MTCL2: variants seen among roughly 807,000 people sequenced by gnomAD.
The protein encoded by MTCL2 is microtubule cross-linking factor 2.
At chr20:36,794,759 T>C in the MTCL2 span, 1 of 878,736 alleles carries the variant, frequency 1.1e-6, no homozygotes, top group Non-Finnish European at 1.7e-6. This position sits in a 1 kb window ranked among gnomAD's most constrained non-coding sequence, Gnocchi z 5.4. Context: ...CCACATTCTG[T>C]CTGCATTTTC....
chr20:36,812,943 G>A, the MTCL2 span: 1 of 1,436,852 alleles, frequency 7.0e-7, no homozygotes, highest in East Asian at 2.5e-5. Context: ...CGCTCCCTAA[G>A]AGGCTTGAAC....
At chr20:36,793,135 T>A in the MTCL2 span, 2 of 1,285,536 alleles carry the variant, frequency 1.6e-6, no homozygotes, top group Admixed American at 2.8e-5. This position sits in a 1 kb window ranked among gnomAD's most constrained non-coding sequence, Gnocchi z 6.8. Flanking sequence ...GAACTCCTGA[T>A]CTCAGGCGAT....
chr20:36,857,392 T>G, the MTCL2 span, among the ~76,000 whole-genome samples: 1 of 152,154 alleles, frequency 6.6e-6, no homozygotes, highest in Non-Finnish European at 1.5e-5. Context: ...TGCACTTCTC[T>G]GAGTGAGTAT....
At chr20:36,861,645 T>G in the MTCL2 span, among the ~76,000 whole-genome samples, 1 of 152,202 alleles carries the variant, frequency 6.6e-6, no homozygotes, top group East Asian at 1.9e-4. Flanking sequence ...CATCATCCAC[T>G]GACAAGAGTC....
chr20:36,856,839 C>CGT, the MTCL2 span, among the ~76,000 whole-genome samples: 1,196 of 150,526 alleles, frequency 7.9e-3, 17 homozygotes, highest in African/African-American at 0.021. Context: ...AATGTCACAG[C>CGT]GTGTGTGTGT....
the MTCL2 span, chr20:36,783,873 A>C: frequency 1.0e-6 from 1 of 985,436 alleles, no homozygotes; most frequent in South Asian, 4.7e-5. Context: ...ACCGAACCAA[A>C]CCAATATTTA....
chr20:36,857,672 C>G, the MTCL2 span, among the ~76,000 whole-genome samples: 4 of 152,246 alleles, frequency 2.6e-5, no homozygotes, highest in South Asian at 6.2e-4. Flanking sequence ...GACTAGAGTC[C>G]TCCCCCTGTA....
chr20:36,798,852 A>G, the MTCL2 span, among the ~76,000 whole-genome samples: 2 of 152,186 alleles, frequency 1.3e-5, no homozygotes, highest in Admixed American at 6.5e-5. Flanking sequence ...GTTTGCATTG[A>G]AAGTCCCATG....
chr20:36,829,155 G>C, the MTCL2 span: 1 of 1,607,772 alleles, frequency 6.2e-7, no homozygotes, highest in Non-Finnish European at 8.5e-7. Context: ...AGCCGCGCCC[G>C]TTTCTTCTCC....
chr20:36,853,697 G>A, the MTCL2 span, among the ~76,000 whole-genome samples: 4 of 132,634 alleles, frequency 3.0e-5, no homozygotes, highest in Admixed American at 2.4e-4. Flanking sequence ...GCTCTATCAG[G>A]GAGGGGTGTG....
chr20:36,844,400 A>ATAATAATAAT, the MTCL2 span, among the ~76,000 whole-genome samples: 6 of 145,164 alleles, frequency 4.1e-5, no homozygotes, highest in African/African-American at 1.3e-4. Flanking sequence ...TACAAAAAAA[A>ATAATAATAAT]AATAATAATA....
At chr20:36,855,636 T>A in the MTCL2 span, among the ~76,000 whole-genome samples, 49 of 152,236 alleles carry the variant, frequency 3.2e-4, no homozygotes, top group African/African-American at 1.2e-3. Context: ...GCTGCGCCCC[T>A]TTCCTAGGGG....
chr20:36,819,651 T>G, the MTCL2 span, among the ~76,000 whole-genome samples: 1 of 150,156 alleles, frequency 6.7e-6, no homozygotes. Context: ...TGGTCTGAGG[T>G]AGGTCTGAGA....
the MTCL2 span, among the ~76,000 whole-genome samples, chr20:36,853,772 C>T: frequency 6.6e-6 from 1 of 151,386 alleles, no homozygotes; most frequent in East Asian, 2.0e-4. Context: ...AGACCACTGC[C>T]CACCAAGGCC....
the MTCL2 span, chr20:36,786,475 G>T: frequency 6.6e-7 from 1 of 1,524,080 alleles, no homozygotes; most frequent in Non-Finnish European, 8.8e-7. Context: ...CGGGGAGCTT[G>T]GCTGCTCTGT....
the MTCL2 span, among the ~76,000 whole-genome samples, chr20:36,835,633 C>T: frequency 3.9e-5 from 6 of 152,242 alleles, no homozygotes; most frequent in Middle Eastern, 3.4e-3. Context: ...CCCCCCAGAA[C>T]GACCCCAGCA....
the MTCL2 span, among the ~76,000 whole-genome samples, chr20:36,791,803 G>A: frequency 6.6e-6 from 1 of 152,238 alleles, no homozygotes; most frequent in Non-Finnish European, 1.5e-5. Context: ...ATCAGAGAGG[G>A]TGAAGCTTAA....
At chr20:36,852,195 C>T in the MTCL2 span, among the ~76,000 whole-genome samples, 114 of 152,322 alleles carry the variant, frequency 7.5e-4, no homozygotes, top group African/African-American at 2.6e-3. Flanking sequence ...CGGGAGCCTC[C>T]GCCTGGCCCG....
the MTCL2 span, among the ~76,000 whole-genome samples, chr20:36,849,107 GCTGGA>G: frequency 1.2e-5 from 1 of 80,564 alleles, no homozygotes; most frequent in Non-Finnish European, 2.3e-5. Context: ...TGTTACCCAG[GCTGGA>G]GTGCAATGGT....
Sources: allele counts gnomAD v4.1 joint callset (sites outside exome capture counted in the v4.1 genomes callset), GRCh38; gene constraint gnomAD v4.1.1; non-coding constraint Gnocchi (gnomAD v3.1); transcripts MANE v1.5; gene names NCBI Gene and HGNC (gene_info 2026-07-23, HGNC 2026-07-21).